FBXO36: variants seen among roughly 807,000 people sequenced by gnomAD.
FBXO36 encodes the protein F-box only protein 36.
In FBXO36, 18 loss-of-function variants were observed where a neutral mutation model predicts 17.0. The ratio of observed to expected loss-of-function variants is 1.06; its 90% CI spans 0.73 to 1.57. FBXO36 has a LOEUF of 1.57. FBXO36 is among the 40% of genes most tolerant of loss of function. The probability of loss-of-function intolerance (pLI) is 0.00; values close to 1 mark genes in which losing one functional copy is unlikely to be tolerated. For missense variants in FBXO36, 229 were observed against 221.9 expected (o/e 1.03, Z -0.20); for synonymous variants, 83 against 85.3 (o/e 0.97, Z 0.15).
chr2:230,000,851 CTTTTTTTT>C (rs71049612), intron 3 of FBXO36, among the ~76,000 whole-genome samples: 52 of 89,492 alleles, frequency 5.8e-4, no homozygotes, highest in Middle Eastern at 6.4e-3. Context: ...AACCACTTTT[CTTTTTTTT>C]TTTTTTTTTT....
At chr2:229,965,498 A>G (rs1339757975) in intron 1 of FBXO36, among the ~76,000 whole-genome samples, 1 of 150,924 alleles carries the variant, frequency 6.6e-6, no homozygotes, top group Non-Finnish European at 1.5e-5. Flanking sequence ...TACATTAGGT[A>G]TATCTCCTAA....
intron 2 of FBXO36, among the ~76,000 whole-genome samples, chr2:229,991,271 G>A (rs2106206415): frequency 6.6e-6 from 1 of 152,208 alleles, no homozygotes; most frequent in African/African-American, 2.4e-5. Context: ...ATTCAGAAAT[G>A]TGTTTAAAAT....
At chr2:229,996,374 G>T (rs1323257748) in intron 2 of FBXO36, among the ~76,000 whole-genome samples, 1 of 152,182 alleles carries the variant, frequency 6.6e-6, no homozygotes, top group Non-Finnish European at 1.5e-5. Flanking sequence ...AAGCCACGTG[G>T]ACCAGCATCT....
At chr2:229,957,049 C>A (rs903921541) in intron 1 of FBXO36, among the ~76,000 whole-genome samples, 7 of 152,112 alleles carry the variant, frequency 4.6e-5, no homozygotes, top group Admixed American at 2.0e-4. Context: ...CAGTTCAGTT[C>A]CTAACAGGAG....
At chr2:229,934,320 G>A (rs1419742031) in intron 1 of FBXO36, among the ~76,000 whole-genome samples, 1 of 152,122 alleles carries the variant, frequency 6.6e-6, no homozygotes, top group African/African-American at 2.4e-5. Context: ...AGAATGGCAT[G>A]AACCCGGGAG....
At chr2:229,947,952 T>A (rs2077036127) in intron 1 of FBXO36, among the ~76,000 whole-genome samples, 1 of 152,162 alleles carries the variant, frequency 6.6e-6, no homozygotes, top group Admixed American at 6.6e-5. Context: ...GAAAACCATT[T>A]GGATTAGATT....
chr2:230,010,885 G>T lies in FBXO36; in HGVS notation c.*1G>T, dbSNP rs770060724. ...AAACCTGAGAGAAAAGCAACCTTAGGCACACATTTTCCTACCAGCAGGGAG... is the reference window on the plus strand; with the variant it reads ...AAACCTGAGAGAAAAGCAACCTTAGTCACACATTTTCCTACCAGCAGGGAG... On this transcript the variant is annotated 3_prime_UTR_variant, in exon 4 of 4. Transcript: ENST00000283946. 18 of 1,604,968 alleles carry T rather than the reference G, an allele frequency of 1.1e-5. No homozygotes were observed. The East Asian group carries it at 3.6e-4, about 32-fold the overall frequency.
At chr2:229,974,412 C>A (rs972827283) in intron 1 of FBXO36, among the ~76,000 whole-genome samples, 2 of 152,158 alleles carry the variant, frequency 1.3e-5, no homozygotes, top group African/African-American at 2.4e-5. Flanking sequence ...GAGAGCGTCC[C>A]TCCAGTGGCC....
chr2:229,933,191 G>A (rs1284891233), intron 1 of FBXO36, among the ~76,000 whole-genome samples: 1 of 152,104 alleles, frequency 6.6e-6, no homozygotes. Flanking sequence ...TCAGGAGTTC[G>A]AGAGCAGCCT....
chr2:230,006,752 G>A (rs764199117), intron 3 of FBXO36, among the ~76,000 whole-genome samples: 3 of 152,172 alleles, frequency 2.0e-5, no homozygotes, highest in African/African-American at 4.8e-5. Context: ...TGTTAAGAGT[G>A]CGGTGTGCAG....
At chr2:229,952,459 T>C (rs2077061980) in intron 1 of FBXO36, among the ~76,000 whole-genome samples, 1 of 152,180 alleles carries the variant, frequency 6.6e-6, no homozygotes, top group Non-Finnish European at 1.5e-5. Context: ...GGAGAAGATA[T>C]TCTCAGAGAA....
intron 3 of FBXO36, among the ~76,000 whole-genome samples, chr2:230,001,729 C>T (rs1266787835): frequency 5.3e-5 from 8 of 152,214 alleles, no homozygotes; most frequent in Admixed American, 2.0e-4. Context: ...TGCTCCTCTC[C>T]TGCTCAAGAT....
chr2:229,947,910 A>G (rs1388566120), intron 1 of FBXO36, among the ~76,000 whole-genome samples: 2 of 152,190 alleles, frequency 1.3e-5, no homozygotes, highest in African/African-American at 4.8e-5. Context: ...CAACATCAAG[A>G]GTGAAGATAC....
chr2:230,007,187 A>G (rs2077391445), intron 3 of FBXO36, among the ~76,000 whole-genome samples: 1 of 152,244 alleles, frequency 6.6e-6, no homozygotes, highest in Non-Finnish European at 1.5e-5. Flanking sequence ...CCAGGCCTTG[A>G]TGCTATCCAT....
chr2:229,966,348 T>C (rs1269004336), intron 1 of FBXO36, among the ~76,000 whole-genome samples: 1 of 152,198 alleles, frequency 6.6e-6, no homozygotes, highest in African/African-American at 2.4e-5. Context: ...ACTCTGATGG[T>C]AGTTTCTTTT....
intron 3 of FBXO36, among the ~76,000 whole-genome samples, chr2:230,000,355 CAA>C (rs3086348): frequency 0.23 from 17,493 of 77,028 alleles, 725 homozygotes; most frequent in East Asian, 0.38. Context: ...GAGACTGTCT[CAA>C]AAAAAAAAAA....
chr2:229,932,812 G>C, intron 1 of FBXO36: 1 of 222,568 alleles, frequency 4.5e-6, no homozygotes. Flanking sequence ...GCTTACGCCT[G>C]TAATCCCAGC....
At chr2:229,937,359 G>T (rs1265280711) in intron 1 of FBXO36, among the ~76,000 whole-genome samples, 1 of 152,000 alleles carries the variant, frequency 6.6e-6, no homozygotes, top group African/African-American at 2.4e-5. Flanking sequence ...GCCGAGTGTG[G>T]TGGCAGGCAC....
chr2:229,983,204 C>T (rs762747107), intron 2 of FBXO36, among the ~76,000 whole-genome samples: 16 of 151,948 alleles, frequency 1.1e-4, no homozygotes, highest in Admixed American at 9.9e-4. Flanking sequence ...GGAGAAACCC[C>T]GTCTCTACTA....
Sources: allele counts gnomAD v4.1 joint callset (sites outside exome capture counted in the v4.1 genomes callset), GRCh38; gene constraint gnomAD v4.1.1; transcripts MANE v1.5; gene names NCBI Gene and HGNC (gene_info 2026-07-23, HGNC 2026-07-21).